RETREG1: variants seen among roughly 807,000 people sequenced by gnomAD.
The protein encoded by RETREG1 is family with sequence similarity 134 member B.
RETREG1 carries 44 observed loss-of-function variants against 54.8 expected under a neutral mutation model. The ratio of observed to expected loss-of-function variants is 0.80; its 90% CI spans 0.63 to 1.03. RETREG1 has a LOEUF of 1.03. RETREG1 is among the 50% of genes least tolerant of loss of function. The pLI is 0.00. For missense variants in RETREG1, 554 were observed against 605.1 expected, an observed-to-expected ratio of 0.92 and a Z score of 0.89; for synonymous variants, 217 against 238.5, an observed-to-expected ratio of 0.91 and a Z score of 0.83.
At chr5:16,564,077 T>C (rs1365325802) in intron 3 of RETREG1, among the ~76,000 whole-genome samples, 1 of 152,248 alleles carries the variant, frequency 6.6e-6, no homozygotes, top group Admixed American at 6.5e-5. Context: ...TACAACTGTA[T>C]TTATACAACT....
At chr5:16,545,518 T>G (rs1741362180) in intron 3 of RETREG1, among the ~76,000 whole-genome samples, 1 of 152,142 alleles carries the variant, frequency 6.6e-6, no homozygotes, top group Non-Finnish European at 1.5e-5. Context: ...GCAGAAAGCA[T>G]TCAGCACAGT....
At position 16,500,940 on chromosome 5, in the gene RETREG1, T is replaced by A. The variant is rs374906221; in HGVS notation, c.459-17468A>T. 2.6e-4 allele frequency among the ~76,000 whole-genome samples: 39 copies of A among 152,256 alleles called. 2 individuals are homozygous for A. The South Asian group carries it at 3.7e-3, about 15-fold the overall frequency. On this transcript the variant is annotated intron_variant, in intron 3 of 8. Coordinates refer to ENST00000306320, the MANE Select transcript of RETREG1 (RefSeq NM_001034850.3). ...ACTTTGCACACCCCCTAGAGGAGAC[T>A]ACCACCTAGAGAGAGTGGGTAGACC...
chr5:16,477,920 A>C, intron 7 of RETREG1, 114 bp downstream of exon 7: 1 of 1,383,442 alleles, frequency 7.2e-7, no homozygotes, highest in Non-Finnish European at 1.0e-6. Flanking sequence ...GAAATCATTC[A>C]GTCATCTTAC....
intron 3 of RETREG1, among the ~76,000 whole-genome samples, chr5:16,510,125 A>C (rs1740121956): frequency 6.6e-6 from 1 of 152,242 alleles, no homozygotes; most frequent in African/African-American, 2.4e-5. Flanking sequence ...TATGTGTGAA[A>C]GTGACTTTCT....
intron 3 of RETREG1, among the ~76,000 whole-genome samples, chr5:16,507,274 G>A (rs1739996932): frequency 6.6e-6 from 1 of 152,132 alleles, no homozygotes; most frequent in Non-Finnish European, 1.5e-5. Context: ...CTACAAGTAT[G>A]TATTAAAAAT....
At chr5:16,575,390 G>T (rs991883447) in intron 1 of RETREG1, among the ~76,000 whole-genome samples, 1 of 152,178 alleles carries the variant, frequency 6.6e-6, no homozygotes, top group Non-Finnish European at 1.5e-5. Flanking sequence ...CCCTAGCACA[G>T]ACAGAAAGCT....
chr5:16,597,362 A>G lies in RETREG1; in HGVS notation c.320+19290T>C, dbSNP rs757838102. Among the ~76,000 whole-genome samples the G allele has an allele frequency of 6.6e-6, 1 of 152,244 alleles. No individual in the cohort carries two copies. The highest frequency in any genetic ancestry group is 1.5e-5 in the Non-Finnish European group (1 of 68,044). ...AGTGCTCCACACCCATTAGTTCTGA[A>G]TTGTAACATTATCCTTATTCACTGA... On this transcript the variant is annotated intron_variant, in intron 1 of 8. Transcript: ENST00000306320. The surrounding 1 kb of genome is among the most constrained non-coding windows in gnomAD (Gnocchi z 4.3).
chr5:16,508,802 C>T (rs1740068974), intron 3 of RETREG1: 1 of 1,453,702 alleles, frequency 6.9e-7, no homozygotes, highest in Non-Finnish European at 9.0e-7. Context: ...TGTTTACAAA[C>T]TTCCAAAGCG....
At chr5:16,579,194 C>G (rs1742418076) in intron 1 of RETREG1, among the ~76,000 whole-genome samples, 1 of 152,200 alleles carries the variant, frequency 6.6e-6, no homozygotes, top group East Asian at 1.9e-4. Flanking sequence ...GAGCACAGGA[C>G]TGTTCTAAGA....
At chr5:16,505,715 C>T (rs1021918656) in intron 3 of RETREG1, among the ~76,000 whole-genome samples, 6 of 152,162 alleles carry the variant, frequency 3.9e-5, no homozygotes, top group African/African-American at 1.4e-4. Flanking sequence ...GTCAGAGGCC[C>T]TCCCAGGCCC....
intron 3 of RETREG1, among the ~76,000 whole-genome samples, chr5:16,494,193 G>T (rs771329733): frequency 2.6e-5 from 4 of 152,070 alleles, no homozygotes; most frequent in Non-Finnish European, 5.9e-5. Flanking sequence ...TCCCTCAATA[G>T]CAGATTTTGA....
intron 8 of RETREG1, 88 bp from the exon 9 acceptor site, chr5:16,475,322 G>T: frequency 6.8e-7 from 1 of 1,471,360 alleles, no homozygotes; most frequent in Non-Finnish European, 9.2e-7. Flanking sequence ...ACTTTAATCT[G>T]AACCCTCTGG....
intron 1 of RETREG1, among the ~76,000 whole-genome samples, chr5:16,604,432 T>C (rs1005384335): frequency 1.3e-5 from 2 of 152,224 alleles, no homozygotes; most frequent in African/African-American, 4.8e-5. Context: ...ACTGCTATTA[T>C]CAAGGATCAC....
chr5:16,607,443 G>T (rs993330100), intron 1 of RETREG1, among the ~76,000 whole-genome samples: 1 of 151,962 alleles, frequency 6.6e-6, no homozygotes, highest in Non-Finnish European at 1.5e-5. Context: ...GTAAAACCCT[G>T]TCTCTACTAA....
chr5:16,556,450 G>A (rs1044882949), intron 3 of RETREG1, among the ~76,000 whole-genome samples: 4 of 152,166 alleles, frequency 2.6e-5, no homozygotes, highest in African/African-American at 4.8e-5. Flanking sequence ...GTGAGCTACC[G>A]AGCGAGGATG....
At chr5:16,494,444 T>G (rs1739370609) in intron 3 of RETREG1, among the ~76,000 whole-genome samples, 1 of 152,172 alleles carries the variant, frequency 6.6e-6, no homozygotes, top group Admixed American at 6.5e-5. Context: ...GGGGGCAGAC[T>G]CTCATGAATG....
At chr5:16,572,234 A>G in intron 1 of RETREG1, 132 bp from the exon 2 acceptor site, 2 of 657,254 alleles carry the variant, frequency 3.0e-6, no homozygotes, top group Admixed American at 4.4e-5. Flanking sequence ...TTTTTTTGAG[A>G]CAGAGTCTCG....
At chr5:16,569,546 C>T (rs1351160384) in intron 2 of RETREG1, among the ~76,000 whole-genome samples, 4 of 152,102 alleles carry the variant, frequency 2.6e-5, no homozygotes, top group South Asian at 4.1e-4. Context: ...GTCAGCTGGG[C>T]GAAGTAGACA....
chr5:16,615,117 G>A (rs114181257), intron 1 of RETREG1, among the ~76,000 whole-genome samples: 2,879 of 152,164 alleles, frequency 0.019, 93 homozygotes, highest in African/African-American at 0.066. Context: ...AAATGTTAAG[G>A]CCGGGCGCAG....
Sources: gnomAD v4.1 joint callset for allele counts (sites outside exome capture counted in the v4.1 genomes callset) on GRCh38, gnomAD v4.1.1 for gene constraint, Gnocchi (gnomAD v3.1) non-coding constraint, MANE v1.5 for transcripts, NCBI Gene and HGNC (gene_info 2026-07-23, HGNC 2026-07-21) for gene names.